The following RRAGD variants were observed in gnomAD, a reference collection of about 807,000 sequenced individuals.
RRAGD encodes ras-related GTP-binding protein D.
A neutral mutation model predicts 35.5 loss-of-function variants in RRAGD; 12 were observed. The ratio of observed to expected loss-of-function variants is 0.34; its 90% CI spans 0.22 to 0.55. The LOEUF is 0.55. Ranked by LOEUF, RRAGD falls within the 20% of genes least tolerant of loss-of-function variation. RRAGD has a pLI of 0.91. For missense variants in RRAGD, 324 were observed against 490.1 expected (o/e 0.66, Z 3.20); for synonymous variants, 155 against 178.9 (o/e 0.87, Z 1.07).
At chr6:89,369,485 C>T (rs1413638844) in intron 6 of RRAGD, among the ~76,000 whole-genome samples, 3 of 152,158 alleles carry the variant, frequency 2.0e-5, no homozygotes, top group Admixed American at 6.5e-5. Flanking sequence ...GGCAGGGTCT[C>T]ACTCTGTCAC....
intron 1 of RRAGD, among the ~76,000 whole-genome samples, chr6:89,397,770 TC>T (rs1460556253): frequency 6.6e-6 from 1 of 152,222 alleles, no homozygotes; most frequent in Admixed American, 6.5e-5. Flanking sequence ...AAGCCATTAC[TC>T]CTTTTTCATA....
rs1381485916 is a variant in RRAGD, at chr6:89,387,507, T to C, written c.232A>G (p.Ile78Val). 4 of 1,614,110 alleles carry C rather than the reference T, an allele frequency of 2.5e-6. No individual in the cohort carries two copies. The African/African-American group carries it at 4.0e-5, about 16-fold the overall frequency. Residue 78 changes from isoleucine to valine, a missense_variant, in exon 2 of 7, where the codon ATT (isoleucine) becomes GTT (valine). Physicochemically the swap from Ile to Val is conservative, Grantham distance 29 (BLOSUM62 3). Coordinates refer to ENST00000369415, the MANE Select transcript of RRAGD (RefSeq NM_021244.5). ...ATTTTGTGAAAGACAACTTTCTGAATAGACGACTTGCCGCTTCTCCTCAGG... is the reference window on the plus strand; with the variant it reads ...ATTTTGTGAAAGACAACTTTCTGAACAGACGACTTGCCGCTTCTCCTCAGG... ...MGLRRSGKSS[I>V]QKVVFHKMSP...
chr6:89,406,673 C>T (rs183505459), intron 1 of RRAGD, among the ~76,000 whole-genome samples: 142 of 152,198 alleles, frequency 9.3e-4, no homozygotes, highest in African/African-American at 2.9e-3. Context: ...AGGTGTGATC[C>T]GATTCTTCCG....
At chr6:89,396,461 T>C (rs955139510) in intron 1 of RRAGD, among the ~76,000 whole-genome samples, 1 of 152,134 alleles carries the variant, frequency 6.6e-6, no homozygotes, top group Non-Finnish European at 1.5e-5. Context: ...AGTCTTGCTC[T>C]GTTGCCCAGG....
chr6:89,387,376 C>T lies in RRAGD; in HGVS notation c.363G>A (p.Gln121=). 6.2e-7 allele frequency: 1 copy of T among 1,614,200 alleles called. No homozygotes were observed. The highest frequency in any genetic ancestry group is 8.5e-7 in the Non-Finnish European group (1 of 1,180,034). Residue 121 remains glutamine (Q), a synonymous_variant, in exon 2 of 7, where the codon CAG becomes CAA. Coordinates refer to ENST00000369415, the MANE Select transcript of RRAGD (RefSeq NM_021244.5). ...CAAATGTAGGGTCAAAAAAGTCAAT[C>T]TGTCCTGGGAAGTCCCAAATCTGAA... is the stretch of plus-strand genomic sequence containing the variant. ...VNFQIWDFPG[Q]IDFFDPTFDY...
Position 89,411,810 on chromosome 6 carries a change from G to T in RRAGD, c.148+36C>A. ...CGGGAAGGCGCCAAGGGGAGGAAAG[G>T]GGCGCGAGCCGAGGACGCGGGGGCC... On this transcript the variant is annotated intron_variant, in intron 1 of 6. Coordinates refer to ENST00000369415, the MANE Select transcript of RRAGD (RefSeq NM_021244.5). This position sits in a 1 kb window ranked among gnomAD's most constrained non-coding sequence, Gnocchi z 5.6. The T allele has an allele frequency of 6.5e-7, 1 of 1,531,428 alleles. No individual in the cohort carries two copies. Among genetic ancestry groups the T allele is most frequent in the Non-Finnish European group, 8.7e-7 (1 of 1,143,708 alleles). 94.9% of individuals were successfully genotyped at this position (1,531,428 alleles called of 1,614,324 possible).
At chr6:89,399,111 T>A (rs1417100774) in intron 1 of RRAGD, among the ~76,000 whole-genome samples, 1 of 152,240 alleles carries the variant, frequency 6.6e-6, no homozygotes. Context: ...GCGTAGATTT[T>A]AATGTTTCTC....
intron 1 of RRAGD, among the ~76,000 whole-genome samples, chr6:89,402,630 C>CA (rs1246277782): frequency 2.6e-5 from 4 of 152,078 alleles, no homozygotes; most frequent in African/African-American, 9.7e-5. Context: ...GGCAGCTAGC[C>CA]ACCAAGCAGC....
At chr6:89,385,684 TAAA>T (rs981663156) in intron 2 of RRAGD, among the ~76,000 whole-genome samples, 3 of 151,956 alleles carry the variant, frequency 2.0e-5, no homozygotes, top group African/African-American at 7.3e-5. Flanking sequence ...GGGAAGAGAG[TAAA>T]CTGCTGATCA....
At chr6:89,381,536 T>C (rs763215489) in intron 2 of RRAGD, among the ~76,000 whole-genome samples, 1 of 152,256 alleles carries the variant, frequency 6.6e-6, no homozygotes, top group Non-Finnish European at 1.5e-5. Context: ...TTAGTATTTA[T>C]TCTCACTCAT....
chr6:89,393,115 C>T (rs1769267379), intron 1 of RRAGD, among the ~76,000 whole-genome samples: 1 of 152,180 alleles, frequency 6.6e-6, no homozygotes, highest in African/African-American at 2.4e-5. Flanking sequence ...GTTCATCTTC[C>T]CTTCCCATGC....
intron 5 of RRAGD, among the ~76,000 whole-genome samples, chr6:89,374,714 G>C (rs1231996610): frequency 6.6e-6 from 1 of 150,540 alleles, no homozygotes; most frequent in Non-Finnish European, 1.5e-5. Flanking sequence ...TGGGCAACAA[G>C]AGCGAAACTC....
At chr6:89,368,531 T>C (rs980580606) in intron 6 of RRAGD, among the ~76,000 whole-genome samples, 4 of 152,216 alleles carry the variant, frequency 2.6e-5, no homozygotes, top group African/African-American at 9.6e-5. Flanking sequence ...AATTAAAGAT[T>C]TCTTACAATT....
At chr6:89,408,244 G>A (rs557691520) in intron 1 of RRAGD, among the ~76,000 whole-genome samples, 4 of 152,216 alleles carry the variant, frequency 2.6e-5, no homozygotes, top group African/African-American at 9.6e-5. Context: ...TCATGATAGG[G>A]CAGTAGAAAA....
At chr6:89,390,906 A>G (rs978869193) in intron 1 of RRAGD, among the ~76,000 whole-genome samples, 2 of 151,964 alleles carry the variant, frequency 1.3e-5, no homozygotes, top group African/African-American at 4.8e-5. Flanking sequence ...TTAAAAAAAG[A>G]TTAAACATAC....
At chr6:89,370,065 T>G (rs1582501743) in intron 6 of RRAGD, among the ~76,000 whole-genome samples, 1 of 152,134 alleles carries the variant, frequency 6.6e-6, no homozygotes, top group Non-Finnish European at 1.5e-5. Context: ...GAGGATCACT[T>G]GAGGCCAGCA....
intron 1 of RRAGD, among the ~76,000 whole-genome samples, chr6:89,394,457 C>G (rs1324513863): frequency 6.6e-6 from 1 of 152,104 alleles, no homozygotes; most frequent in African/African-American, 2.4e-5. Context: ...AATCTGTGAA[C>G]TCATTAATAT....
intron 3 of RRAGD, 86 bp from the exon 4 acceptor site, chr6:89,379,424 C>A (rs1769005300): frequency 1.5e-6 from 1 of 650,962 alleles, no homozygotes; most frequent in East Asian, 2.8e-5. Context: ...CGGTAATCTG[C>A]CTTCTGTATG....
At chr6:89,408,735 TGGG>T (rs1406299376) in intron 1 of RRAGD, among the ~76,000 whole-genome samples, 1 of 152,180 alleles carries the variant, frequency 6.6e-6, no homozygotes, top group Non-Finnish European at 1.5e-5. Context: ...GGAGGGGTTT[TGGG>T]GGGAAAACAA....
Sources: allele counts gnomAD v4.1 joint callset (sites outside exome capture counted in the v4.1 genomes callset), GRCh38; gene constraint gnomAD v4.1.1; non-coding constraint Gnocchi (gnomAD v3.1); transcripts MANE v1.5; gene names NCBI Gene and HGNC (gene_info 2026-07-23, HGNC 2026-07-21).